The following TNRC6C variants were observed in gnomAD, a reference collection of about 807,000 sequenced individuals.
The protein encoded by TNRC6C is trinucleotide repeat containing adaptor 6C.
In TNRC6C, 20 loss-of-function variants were observed where a neutral mutation model predicts 153.7. The observed-to-expected ratio is 0.13, with a 90% CI of 0.09 to 0.19. The LOEUF (loss-of-function observed/expected upper bound fraction) is 0.19. Ranked by LOEUF, TNRC6C falls within the 10% of genes least tolerant of loss-of-function variation. TNRC6C has a pLI of 1.00. For synonymous variants in TNRC6C, 811 were observed against 841.4 expected, an observed-to-expected ratio of 0.96 and a Z score of 0.63; for missense variants, 1,987 against 2,172.0, an observed-to-expected ratio of 0.91 and a Z score of 1.69.
chr17:78,091,003 T>C (rs1187036222), intron 13 of TNRC6C, among the ~76,000 whole-genome samples: 1 of 152,216 alleles, frequency 6.6e-6, no homozygotes, highest in Non-Finnish European at 1.5e-5. Flanking sequence ...TCTATTTTCC[T>C]GTGGACTCTG....
At chr17:78,101,256 T>A (rs2073589108) in intron 17 of TNRC6C, among the ~76,000 whole-genome samples, 1 of 152,168 alleles carries the variant, frequency 6.6e-6, no homozygotes, top group Non-Finnish European at 1.5e-5. Flanking sequence ...GCCAGTCTCT[T>A]TGCTAAAACA....
At chr17:78,029,762 TC>T (rs1462181434) in intron 1 of TNRC6C, among the ~76,000 whole-genome samples, 1 of 151,976 alleles carries the variant, frequency 6.6e-6, no homozygotes, top group Non-Finnish European at 1.5e-5. Context: ...TAAGCTCTTT[TC>T]TGTGTTTAAT....
chr17:77,964,868 G>T (rs1424659851), intron 1 of TNRC6C, among the ~76,000 whole-genome samples: 4 of 152,166 alleles, frequency 2.6e-5, no homozygotes, highest in Non-Finnish European at 5.9e-5. Context: ...TCTTCAGGGG[G>T]CTATGGCTGA....
intron 3 of TNRC6C, among the ~76,000 whole-genome samples, chr17:78,060,269 C>G (rs1312303358): frequency 6.6e-6 from 1 of 152,104 alleles, no homozygotes; most frequent in Non-Finnish European, 1.5e-5. Context: ...TTTTATTGAT[C>G]TTACAGCTAT....
intron 2 of TNRC6C, among the ~76,000 whole-genome samples, chr17:78,033,599 G>A (rs1355738314): frequency 6.6e-6 from 1 of 151,984 alleles, no homozygotes; most frequent in Non-Finnish European, 1.5e-5. Flanking sequence ...AACCTGGGAC[G>A]TGGAGGTTGC....
In TNRC6C at chr17:78,075,124, G is replaced by A; in HGVS notation, c.2918-12G>A. The A allele has an allele frequency of 6.2e-7, 1 of 1,612,674 alleles. No homozygotes were observed. The highest frequency in any genetic ancestry group is 8.5e-7 in the Non-Finnish European group (1 of 1,179,318). On this transcript the variant is annotated splice_polypyrimidine_tract_variant and intron_variant, in intron 7 of 19. Transcript: ENST00000301624. This position sits in a 1 kb window ranked among gnomAD's most constrained non-coding sequence, Gnocchi z 4.2. ...TTTGTTTACAACATTGCTTCTGTTT[G>A]TTGTGCTCCAGGCGCTCTGCTGGAA...
At chr17:78,005,355 C>T (rs1037763380) in intron 1 of TNRC6C, among the ~76,000 whole-genome samples, 4 of 152,042 alleles carry the variant, frequency 2.6e-5, no homozygotes, top group East Asian at 1.9e-4. Context: ...CAAACAGGAT[C>T]GAACTGATAA....
At chr17:78,059,724 C>T (rs2072728082) in intron 3 of TNRC6C, among the ~76,000 whole-genome samples, 1 of 151,816 alleles carries the variant, frequency 6.6e-6, no homozygotes, top group South Asian at 2.1e-4. Flanking sequence ...TGGCACACGC[C>T]TCTAGTCCCG....
chr17:78,061,967 A>T (rs1396881479), intron 3 of TNRC6C, among the ~76,000 whole-genome samples: 3 of 152,224 alleles, frequency 2.0e-5, no homozygotes, highest in Non-Finnish European at 2.9e-5. Context: ...AGGTCTAGAG[A>T]TGATAAACAA....
chr17:78,086,938 C>A, exon 13 of TNRC6C: 1 of 1,612,208 alleles, frequency 6.2e-7, no homozygotes, highest in South Asian at 1.1e-5. Flanking sequence ...AAGCAGCCAC[C>A]ACCGCCACCG....
Position 78,049,810 on chromosome 17 carries a change from G to C in TNRC6C, c.748G>C (p.Gly250Arg), listed in dbSNP as rs1440760314. ...TGAAGGAATAAGCAATTCTGTGTGG[G>C]GACTGTCCCCAGGTAACCCTGCCAC... The change falls in exon 3 of 20, where the codon GGA becomes CGA. Residue 250 changes from glycine to arginine, a missense_variant. By Grantham distance (125) the Gly-to-Arg change is moderately radical (BLOSUM62 -2). Around this residue, in one of 4 missense-constraint regions of TNRC6C, gnomAD observed 1,052 missense variants for 1,017.0 expected, o/e 1.03. Transcript: ENST00000301624. The surrounding 1 kb of genome is among the most constrained non-coding windows in gnomAD (Gnocchi z 4.1). 6.2e-7 allele frequency: 1 copy of C among 1,608,880 alleles called. No individual in the cohort carries two copies.
At chr17:78,031,603 A>T in exon 2 of TNRC6C, 1 of 1,232,424 alleles carries the variant, frequency 8.1e-7, no homozygotes. Flanking sequence ...TCAAGCAGCA[A>T]CAATGGCAAA....
intron 1 of TNRC6C, among the ~76,000 whole-genome samples, chr17:77,996,360 C>T (rs1036783031): frequency 3.3e-5 from 5 of 152,114 alleles, no homozygotes; most frequent in Admixed American, 3.3e-4. Context: ...AGGTAGATGA[C>T]AAAATTGAAG....
chr17:78,051,053 A>C, exon 3 of TNRC6C: 1 of 1,611,460 alleles, frequency 6.2e-7, no homozygotes, highest in Non-Finnish European at 8.5e-7. Context: ...CCTGGCCCCC[A>C]ACAGAACTGG....
chr17:77,992,878 A>T (rs1046330423), intron 1 of TNRC6C, among the ~76,000 whole-genome samples: 1 of 152,202 alleles, frequency 6.6e-6, no homozygotes, highest in Non-Finnish European at 1.5e-5. Flanking sequence ...TAACGTGGCA[A>T]ATTTTAGGTT....
At chr17:78,051,495 AAAAG>A in intron 3 of TNRC6C, 47 bp downstream of exon 5, 1 of 1,389,896 alleles carries the variant, frequency 7.2e-7, no homozygotes, top group South Asian at 1.8e-5. Context: ...AAAAAAAAAA[AAAAG>A]CTTATTCTCA....
At chr17:78,050,921 A>T (rs1228662087) in exon 3 of TNRC6C, 6 of 1,613,876 alleles carry the variant, frequency 3.7e-6, no homozygotes, top group Non-Finnish European at 5.1e-6. Context: ...TCTGGATGGG[A>T]TGCTGACAGT....
intron 2 of TNRC6C, among the ~76,000 whole-genome samples, chr17:78,046,701 G>A (rs2072418695): frequency 1.3e-5 from 2 of 152,128 alleles, no homozygotes; most frequent in South Asian, 2.1e-4. Flanking sequence ...TCCTTAATAA[G>A]CTTTAAGAAG....
chr17:78,083,580 G>C (rs1185644128), intron 11 of TNRC6C, among the ~76,000 whole-genome samples: 1 of 152,162 alleles, frequency 6.6e-6, no homozygotes, highest in Non-Finnish European at 1.5e-5. Flanking sequence ...TGAGCTCTCA[G>C]CCAGAGTTTC....
Sources: allele counts gnomAD v4.1 joint callset (sites outside exome capture counted in the v4.1 genomes callset), GRCh38; gene constraint gnomAD v4.1.1; regional missense constraint gnomAD v4.1.1; non-coding constraint Gnocchi (gnomAD v3.1); transcripts MANE v1.5; gene names NCBI Gene and HGNC (gene_info 2026-07-23, HGNC 2026-07-21).